Variants in PLA2R1 observed in about 807,000 individuals in gnomAD.
PLA2R1 encodes the protein phospholipase A2 receptor 1, also known as secretory phospholipase A2 receptor.
A neutral mutation model predicts 195.9 loss-of-function variants in PLA2R1; 158 were observed. The observed-to-expected ratio is 0.81, with a 90% CI of 0.71 to 0.92. The LOEUF is 0.92. PLA2R1 is among the 40% of genes least tolerant of loss of function. The pLI, the probability that PLA2R1 is intolerant of heterozygous loss-of-function variation, is 0.00. For missense variants in PLA2R1, 1,626 were observed against 1,764.6 expected (o/e 0.92, Z 1.41); for synonymous variants, 586 against 598.2 (o/e 0.98, Z 0.30).
intron 11 of PLA2R1, among the ~76,000 whole-genome samples, chr2:159,994,557 C>T (rs1395168997): frequency 6.6e-6 from 1 of 151,772 alleles, no homozygotes. Context: ...ATTATTATGT[C>T]TTTTAAAAAG....
chr2:159,943,200 C>T (rs1263172076), intron 28 of PLA2R1, among the ~76,000 whole-genome samples: 1 of 152,096 alleles, frequency 6.6e-6, no homozygotes, highest in Non-Finnish European at 1.5e-5. Context: ...GAACTCCTGA[C>T]CTCAAGTGAT....
At chr2:160,033,680 A>T (rs1181925847) in intron 3 of PLA2R1, among the ~76,000 whole-genome samples, 1 of 152,242 alleles carries the variant, frequency 6.6e-6, no homozygotes, top group East Asian at 1.9e-4. Flanking sequence ...GAATAGAAGC[A>T]AGATCCACTT....
intron 1 of PLA2R1, among the ~76,000 whole-genome samples, chr2:160,055,202 G>C (rs115617609): frequency 3.5e-4 from 53 of 152,306 alleles, no homozygotes; most frequent in African/African-American, 1.2e-3. Context: ...ACTCACAAAG[G>C]CTTGCCAGGA....
intron 23 of PLA2R1, among the ~76,000 whole-genome samples, chr2:159,952,983 C>CTAAT (rs1443741398): frequency 3.0e-4 from 45 of 152,250 alleles, no homozygotes; most frequent in African/African-American, 1.1e-3. Flanking sequence ...TGTGCCCAGC[C>CTAAT]TACGTGCCCA....
At chr2:160,043,950 T>G (rs963134939) in intron 2 of PLA2R1, among the ~76,000 whole-genome samples, 2 of 152,182 alleles carry the variant, frequency 1.3e-5, no homozygotes, top group East Asian at 3.9e-4. Flanking sequence ...ACCTGTCCTG[T>G]GGACCTTTGT....
chr2:160,041,891 T>A (rs1694542530), intron 3 of PLA2R1, 134 bp downstream of exon 3: 2 of 671,724 alleles, frequency 3.0e-6, no homozygotes, highest in Admixed American at 2.7e-5. Context: ...CAAATCAAAA[T>A]CTGTGTTAAT....
In PLA2R1 at chr2:159,976,199, C is replaced by A. The variant is rs778221962; in HGVS notation, c.2464G>T (p.Ala822Ser). The A allele has an allele frequency of 3.7e-6, 6 of 1,609,470 alleles. No individual in the cohort carries two copies. The Admixed American group carries it at 1.0e-4, about 27-fold the overall frequency. Residue 822 changes from alanine (A) to serine (S), a missense_variant, in exon 17 of 30, where the codon GCA becomes TCA. Physicochemically the swap from Ala to Ser is moderately conservative, Grantham distance 99 (BLOSUM62 1). Transcript: ENST00000283243. ...GCAAAGGTATGAAAAAGGTATTCTG[C>A]ATCCTGATAAAAGAGCCAGGGTACA... ...YDVPWLFYQD[A>S]EYLFHTFASE...
rs181939398 is a variant in PLA2R1, at chr2:159,986,830, G to A, written c.2037+326C>T. Reference sequence around the variant, plus strand: ...TGGAACTCCTGACTTCAAGTGAGCCGCCTGCCTCGGCCTCCCAAAGTGCTG... The same window carrying A: ...TGGAACTCCTGACTTCAAGTGAGCCACCTGCCTCGGCCTCCCAAAGTGCTG... On this transcript the variant is annotated intron_variant, in intron 12 of 29. Transcript: ENST00000283243. 6.0e-4 allele frequency among the ~76,000 whole-genome samples: 91 copies of A among 152,130 alleles called. 2 individuals are homozygous for A. In the East Asian group the frequency reaches 0.016, roughly 27 times the overall value.
chr2:160,053,038 T>C (rs963832699), intron 1 of PLA2R1, among the ~76,000 whole-genome samples: 73 of 152,188 alleles, frequency 4.8e-4, no homozygotes, highest in African/African-American at 1.6e-3. Context: ...GTGGCTTCAA[T>C]GACAGAAATT....
intron 3 of PLA2R1, among the ~76,000 whole-genome samples, chr2:160,038,763 T>C (rs1322206860): frequency 6.6e-6 from 1 of 152,126 alleles, no homozygotes; most frequent in African/African-American, 2.4e-5. Context: ...GAGAACTGCA[T>C]GACAGAAACA....
the PLA2R1 span, among the ~76,000 whole-genome samples, chr2:159,924,015 G>A: frequency 8.7e-6 from 1 of 114,810 alleles, no homozygotes; most frequent in Non-Finnish European, 2.0e-5. Context: ...TTGAAATCAA[G>A]GTGTTGGCAG....
chr2:160,047,309 C>T (rs1316070001), intron 1 of PLA2R1, among the ~76,000 whole-genome samples: 4 of 152,174 alleles, frequency 2.6e-5, no homozygotes, highest in Non-Finnish European at 4.4e-5. Context: ...GAAAAGCACA[C>T]CACATACTAC....
Position 159,969,253 on chromosome 2 carries a change from A to T in PLA2R1, c.2764+3T>A. The T allele has an allele frequency of 6.6e-7, 1 of 1,517,672 alleles. No individual in the cohort carries two copies. Among genetic ancestry groups the T allele is most frequent in the Non-Finnish European group, 9.1e-7 (1 of 1,095,456 alleles). 94.0% of individuals were successfully genotyped at this position (1,517,672 alleles called of 1,614,324 possible). On this transcript the variant is annotated splice_donor_region_variant and intron_variant, in intron 19 of 29. Coordinates refer to ENST00000283243, the MANE Select transcript of PLA2R1 (RefSeq NM_007366.5). Reference sequence around the variant, plus strand: ...AAACCCAAAAATGGGTAAGTAAAATAACCTGTTATAGAAGAAATAAAGCCA... The same window carrying T: ...AAACCCAAAAATGGGTAAGTAAAATTACCTGTTATAGAAGAAATAAAGCCA...
At chr2:160,026,077 A>T (rs1693506884) in intron 6 of PLA2R1, among the ~76,000 whole-genome samples, 1 of 152,220 alleles carries the variant, frequency 6.6e-6, no homozygotes, top group Non-Finnish European at 1.5e-5. Context: ...TGTTTCACTA[A>T]GATAACCATT....
chr2:160,001,057 T>A (rs1567537), intron 11 of PLA2R1, among the ~76,000 whole-genome samples: 1 of 151,910 alleles, frequency 6.6e-6, no homozygotes, highest in South Asian at 2.1e-4. Flanking sequence ...GAAAAGGATA[T>A]GAAACTGAAG....
In PLA2R1 at chr2:159,932,128, T is replaced by C. The variant is rs1686617718; in HGVS notation, c.*9650A>G. The C allele has an allele frequency of 1.3e-5, 2 of 152,226 alleles. No individual in the cohort carries two copies. Among genetic ancestry groups the C allele is most frequent in the African/African-American group, 2.4e-5 (1 of 41,472 alleles). 9.4% of individuals were successfully genotyped at this position (152,226 alleles called of 1,614,324 possible). A position where few individuals can be genotyped will look rare whatever the true frequency, so the allele number is the denominator to read the frequency against. The stretch of plus-strand genomic sequence containing the variant: ...TCTCTTTTTTCTCCCTTCACTTCAC[T>C]TGGGACGTTTAGTATAAGTTGCAGT... On this transcript the variant is annotated 3_prime_UTR_variant, in exon 30 of 30. Transcript: ENST00000283243.
At chr2:159,945,294 C>T (rs534360667) in intron 27 of PLA2R1, among the ~76,000 whole-genome samples, 3 of 151,988 alleles carry the variant, frequency 2.0e-5, no homozygotes, top group Non-Finnish European at 4.4e-5. Flanking sequence ...GTGCGCTGCA[C>T]CCACTAACTC....
At chr2:159,978,215 T>G (rs1689705807) in intron 14 of PLA2R1, among the ~76,000 whole-genome samples, 1 of 152,168 alleles carries the variant, frequency 6.6e-6, no homozygotes, top group Non-Finnish European at 1.5e-5. Context: ...TCACTTTCCA[T>G]GAGTGACCAC....
chr2:159,964,552 A>C (rs1688659505), intron 20 of PLA2R1, among the ~76,000 whole-genome samples: 1 of 152,176 alleles, frequency 6.6e-6, no homozygotes, highest in Non-Finnish European at 1.5e-5. Context: ...AGTTTGAGAA[A>C]ATAGGAAGTA....
Sources: allele counts gnomAD v4.1 joint callset (sites outside exome capture counted in the v4.1 genomes callset), GRCh38; gene constraint gnomAD v4.1.1; transcripts MANE v1.5; gene names NCBI Gene and HGNC (gene_info 2026-07-23, HGNC 2026-07-21).